MAN1B1: variants seen among roughly 807,000 people sequenced by gnomAD.
The protein encoded by MAN1B1 is endoplasmic reticulum mannosyl-oligosaccharide 1,2-alpha-mannosidase.
MAN1B1 carries 66 observed loss-of-function variants against 75.5 expected under a neutral mutation model. The ratio of observed to expected loss-of-function variants is 0.87; its 90% CI spans 0.72 to 1.07. The LOEUF (loss-of-function observed/expected upper bound fraction) is 1.07. MAN1B1 is among the 50% of genes least tolerant of loss of function. MAN1B1 has a pLI of 0.00. For missense variants in MAN1B1, 973 were observed against 912.5 expected, an observed-to-expected ratio of 1.07 and a Z score of -0.85; for synonymous variants, 453 against 382.8, an observed-to-expected ratio of 1.18 and a Z score of -2.14.
rs1830388634 is a variant in MAN1B1, at chr9:137,087,080, CCCTTGGG to C, written c.84_90del (p.Trp29SerfsTer5). ...TCCTGACGCCGCCAGTGGGCGGGGC[CCCTTGGG>C]CCGTCGCCACCACTGTAGTCATGTA... On this transcript the variant is annotated frameshift_variant, in exon 1 of 13. Transcript: ENST00000371589. LOFTEE classifies it high-confidence loss of function. 1 of 1,601,434 alleles carries C rather than the reference CCCTTGGG, an allele frequency of 6.2e-7. No homozygotes were observed. The highest frequency in any genetic ancestry group is 1.1e-5 in the South Asian group (1 of 88,876).
At chr9:137,106,374 C>T (rs1289330813) in intron 9 of MAN1B1, 59 bp downstream of exon 9, 2 of 1,443,174 alleles carry the variant, frequency 1.4e-6, no homozygotes, top group African/African-American at 1.4e-5. Context: ...CAGCCCCCCA[C>T]TCCTGCTGCC....
chr9:137,107,556 G>T lies in MAN1B1; in HGVS notation c.1790G>T (p.Arg597Leu). ...VKPADRHNLLRPETVESLFYL... is the reference protein window; with the variant it reads ...VKPADRHNLLLPETVESLFYL... ...CCAGCAGACAGGCACAACCTGCTGC[G>T]GCCAGAGACCGTGGAGAGCCTGTTC... Residue 597 changes from arginine (R) to leucine (L), a missense_variant, in exon 12 of 13, where the codon CGG becomes CTG. Transcript: ENST00000371589. 6.2e-7 allele frequency: 1 copy of T among 1,612,850 alleles called. No individual in the cohort carries two copies. Among genetic ancestry groups the T allele is most frequent in the Non-Finnish European group, 8.5e-7 (1 of 1,179,984 alleles).
intron 8 of MAN1B1, chr9:137,101,962 G>A (rs1399371267): frequency 8.9e-6 from 5 of 560,572 alleles, no homozygotes; most frequent in Non-Finnish European, 1.7e-5. Context: ...CAGGTCAGTG[G>A]TGTTACACAC....
chr9:137,096,950 A>G (rs2131004504), intron 4 of MAN1B1, among the ~76,000 whole-genome samples: 1 of 152,310 alleles, frequency 6.6e-6, no homozygotes, highest in African/African-American at 2.4e-5. Context: ...CTCTTCTACA[A>G]AGTGTGGGCA....
intron 7 of MAN1B1, 111 bp downstream of exon 7, chr9:137,101,264 A>G: frequency 7.1e-7 from 1 of 1,406,014 alleles, no homozygotes; most frequent in Non-Finnish European, 1.0e-6. Context: ...CTTCAAATGC[A>G]CTGGAGTCTG....
chr9:137,094,340 G>A (rs1830597886), intron 3 of MAN1B1: 1 of 459,442 alleles, frequency 2.2e-6, no homozygotes, highest in Admixed American at 2.1e-5. Flanking sequence ...TTTAAGACTA[G>A]GTGATCTTAG....
intron 8 of MAN1B1, chr9:137,103,871 C>T (rs1351503821): frequency 2.2e-6 from 1 of 452,724 alleles, no homozygotes; most frequent in African/African-American, 2.1e-5. Context: ...GCGTGCAGGT[C>T]AGTGGTGTTA....
rs762099474 is a variant in MAN1B1, at chr9:137,101,616, A to G, written c.1198A>G (p.Ser400Gly). 2.5e-6 allele frequency: 4 copies of G among 1,613,678 alleles called. No homozygotes were observed. The highest frequency in any genetic ancestry group is 2.7e-5 in the African/African-American group (2 of 75,056). The change falls in exon 8 of 13, where the codon AGC (serine) becomes GGC (glycine). Residue 400 changes from serine to glycine, a missense_variant. By Grantham distance (56) the Ser-to-Gly change is moderately conservative. Transcript: ENST00000371589. Reference protein sequence around the residue: ...TSDSTVAEVTSIQLEFRELSR... With the variant: ...TSDSTVAEVTGIQLEFRELSR... ...CGACAGCACTGTGGCCGAGGTGACC[A>G]GCATTCAGCTGGAGTTCCGGGAGCT...
chr9:137,106,112 C>T lies in MAN1B1; in HGVS notation c.1255-13C>T, dbSNP rs765403325. On this transcript the variant is annotated splice_polypyrimidine_tract_variant and intron_variant, in intron 8 of 12. Coordinates refer to ENST00000371589, the MANE Select transcript of MAN1B1 (RefSeq NM_016219.5). ...CCTGGCCAGTAAACCCACCATCCCCCTTTCTGCCGCAGGAGGCAGTGGAGA... is the reference window on the plus strand; with the variant it reads ...CCTGGCCAGTAAACCCACCATCCCCTTTTCTGCCGCAGGAGGCAGTGGAGA... 2.5e-5 allele frequency: 41 copies of T among 1,611,242 alleles called. No homozygotes were observed. Among genetic ancestry groups the T allele is most frequent in the Non-Finnish European group, 3.1e-5 (37 of 1,178,708 alleles).
chr9:137,101,614 C>T lies in MAN1B1; in HGVS notation c.1196C>T (p.Thr399Ile), dbSNP rs1324173515. 1.2e-6 allele frequency: 2 copies of T among 1,613,604 alleles called. No individual in the cohort carries two copies. The highest frequency in any genetic ancestry group is 2.2e-5 in the East Asian group (1 of 44,896). The stretch of plus-strand genomic sequence containing the variant: ...TCCGACAGCACTGTGGCCGAGGTGA[C>T]CAGCATTCAGCTGGAGTTCCGGGAG... ...WTSDSTVAEV[T>I]SIQLEFRELS... The change falls in exon 8 of 13, where the codon ACC (threonine) becomes ATC (isoleucine). Residue 399 changes from threonine (T) to isoleucine (I), a missense_variant. By Grantham distance (89) the Thr-to-Ile change is moderately conservative. Transcript: ENST00000371589.
At chr9:137,088,608 T>A (rs1162781238) in intron 2 of MAN1B1, 3 of 682,606 alleles carry the variant, frequency 4.4e-6, no homozygotes, top group Non-Finnish European at 7.2e-6. Context: ...CCTGCCCACC[T>A]GCCACATGCT....
rs755182273 is a variant in MAN1B1 at position 137,107,602 on chromosome 9, G to C, written c.1836G>C (p.Gly612=). The change falls in exon 12 of 13, where the codon GGG becomes GGC. Residue 612 remains glycine, a synonymous_variant. Coordinates refer to ENST00000371589, the MANE Select transcript of MAN1B1 (RefSeq NM_016219.5). ...ESLFYLYRVT[G]DRKYQDWGWE... is the part of the protein sequence containing the mutation. ...TGTTCTACCTGTACCGCGTCACAGG[G>C]GACCGCAAATACCAGGACTGGGGCT... is the stretch of plus-strand genomic sequence containing the variant. 1 of 1,611,822 alleles carries C rather than the reference G, an allele frequency of 6.2e-7. No homozygotes were observed. Among genetic ancestry groups the C allele is most frequent in the Admixed American group, 1.7e-5 (1 of 60,030 alleles).
intron 8 of MAN1B1, chr9:137,105,920 C>T (rs769633168): frequency 1.7e-5 from 12 of 692,416 alleles, no homozygotes; most frequent in East Asian, 5.5e-5. Flanking sequence ...CATTCAGGTG[C>T]GTTGCACTGG....
Position 137,108,611 on chromosome 9 carries a change from G to A in MAN1B1, c.*20G>A. The stretch of plus-strand genomic sequence containing the variant: ...GCCTAGGGTGGATGGCTGCTGGTGT[G>A]GGGACTTCGGGTGGGCAGAGGCACC... On this transcript the variant is annotated 3_prime_UTR_variant, in exon 13 of 13. Coordinates refer to ENST00000371589, the MANE Select transcript of MAN1B1 (RefSeq NM_016219.5). 1.2e-6 allele frequency: 2 copies of A among 1,612,064 alleles called. No homozygotes were observed. Among genetic ancestry groups the A allele is most frequent in the Non-Finnish European group, 1.7e-6 (2 of 1,178,738 alleles).
chr9:137,106,104 C>T, intron 8 of MAN1B1, 21 bp from the exon 9 acceptor site: 1 of 1,607,746 alleles, frequency 6.2e-7, no homozygotes, highest in African/African-American at 1.3e-5. Flanking sequence ...AGTAAACCCA[C>T]CATCCCCCTT....
chr9:137,100,943 A>G, intron 6 of MAN1B1, 62 bp from the exon 7 acceptor site: 1 of 1,591,776 alleles, frequency 6.3e-7, no homozygotes, highest in South Asian at 1.1e-5. Context: ...AGATGGATAG[A>G]TAATAGGAAA....
chr9:137,087,182 C>G lies in MAN1B1; in HGVS notation c.183C>G (p.Asp61Glu), dbSNP rs202182837. The G allele has an allele frequency of 1.3e-6, 2 of 1,591,500 alleles. No homozygotes were observed. Among genetic ancestry groups the G allele is most frequent in the Non-Finnish European group, 1.7e-6 (2 of 1,169,784 alleles). ...CGCTGAGCTTTGGCGAGAACTATGA[C>G]AACAGCAAGAGTTGGCGGCGGCGCT... Reference protein sequence around the residue: ...SVTLSFGENYDNSKSWRRRSC... With the variant: ...SVTLSFGENYENSKSWRRRSC... The change falls in exon 1 of 13, where the codon GAC (aspartate) becomes GAG (glutamate). Residue 61 changes from aspartate to glutamate, a missense_variant. Physicochemically the swap from Asp to Glu is conservative, Grantham distance 45. Coordinates refer to ENST00000371589, the MANE Select transcript of MAN1B1 (RefSeq NM_016219.5).
intron 12 of MAN1B1, 115 bp from the exon 13 acceptor site, chr9:137,108,273 C>A: frequency 1.0e-6 from 1 of 962,138 alleles, no homozygotes; most frequent in Non-Finnish European, 1.6e-6. Flanking sequence ...CGCCCTCCAC[C>A]CTGAGCTTGC....
Position 137,109,085 on chromosome 9 carries a change from G to C in MAN1B1, c.*494G>C, listed in dbSNP as rs1023000674. ...ACTCAGGGATCCTCCTGGCCGCCCC[G>C]CAGGGGGCTTGGAGGGCTGGACGGC... On this transcript the variant is annotated 3_prime_UTR_variant, in exon 13 of 13. Transcript: ENST00000371589. The C allele has an allele frequency of 2.2e-6, 1 of 455,704 alleles. No homozygotes were observed. Among genetic ancestry groups the C allele is most frequent in the African/African-American group, 2.0e-5 (1 of 50,044 alleles). The allele number at this position is 455,704 out of a possible 1,614,324, so 28.2% of individuals were successfully genotyped here.
Sources: gnomAD v4.1 joint callset for allele counts (sites outside exome capture counted in the v4.1 genomes callset) on GRCh38, gnomAD v4.1.1 for gene constraint, MANE v1.5 for transcripts, NCBI Gene and HGNC (gene_info 2026-07-23, HGNC 2026-07-21) for gene names.